The following MAGI2 variants were observed in gnomAD, a reference collection of about 807,000 sequenced individuals.
The protein encoded by MAGI2 is membrane associated guanylate kinase, WW and PDZ domain containing 2, also known as membrane-associated guanylate kinase, WW and PDZ domain-containing protein 2.
Under a neutral mutation model 133.3 loss-of-function variants are expected in MAGI2, and 35 were observed. The ratio of observed to expected loss-of-function variants is 0.26; its 90% CI spans 0.20 to 0.35. MAGI2 has a LOEUF of 0.35. MAGI2 is among the 10% of genes least tolerant of loss of function. The pLI is 1.00. For missense variants in MAGI2, 1,636 were observed against 1,863.4 expected (o/e 0.88, Z 2.25); for synonymous variants, 729 against 710.6 (o/e 1.03, Z -0.41).
chr7:79,245,633 C>A (rs1303335872), intron 1 of MAGI2, among the ~76,000 whole-genome samples: 1 of 152,168 alleles, frequency 6.6e-6, no homozygotes, highest in Non-Finnish European at 1.5e-5. Flanking sequence ...AACCAAGTAG[C>A]TTCCTAAGGT....
intron 1 of MAGI2, among the ~76,000 whole-genome samples, chr7:79,022,339 A>T (rs1412739631): frequency 6.6e-6 from 1 of 152,202 alleles, no homozygotes; most frequent in African/African-American, 2.4e-5. Context: ...TGAGAAAAAA[A>T]TACCACATAC....
At chr7:79,054,070 C>A (rs1050164060) in intron 1 of MAGI2, among the ~76,000 whole-genome samples, 1 of 152,100 alleles carries the variant, frequency 6.6e-6, no homozygotes, top group African/African-American at 2.4e-5. Flanking sequence ...GTGGCTGGCG[C>A]CTGTAGTCCC....
At position 78,895,515 on chromosome 7, in the gene MAGI2, A is replaced by G. The variant is rs192588180; in HGVS notation, c.418+111575T>C. ...GAGTTGCTTTACAAAATGTTTATGTAGAGCTTTAAAAAAAAAAGTGGCTTT... is the reference window on the plus strand; with the variant it reads ...GAGTTGCTTTACAAAATGTTTATGTGGAGCTTTAAAAAAAAAAGTGGCTTT... On this transcript the variant is annotated intron_variant, in intron 2 of 21. Coordinates refer to ENST00000354212, the MANE Select transcript of MAGI2 (RefSeq NM_012301.4). Among the ~76,000 whole-genome samples the G allele has an allele frequency of 8.7e-4, 101 of 115,508 alleles. 1 individual carries two copies. Among genetic ancestry groups the G allele is most frequent in the African/African-American group, 2.4e-3 (92 of 37,966 alleles). The allele number at this position is 115,508 out of a possible 152,430, so 75.8% of individuals were successfully genotyped here.
At chr7:78,472,189 T>C (rs554212710) in intron 6 of MAGI2, among the ~76,000 whole-genome samples, 2 of 152,224 alleles carry the variant, frequency 1.3e-5, no homozygotes, top group East Asian at 3.9e-4. Flanking sequence ...TTTGCTGCTA[T>C]TATGAATTTG....
At chr7:78,166,238 AG>A (rs1490286341) in intron 15 of MAGI2, among the ~76,000 whole-genome samples, 2 of 152,222 alleles carry the variant, frequency 1.3e-5, no homozygotes, top group Non-Finnish European at 2.9e-5. Flanking sequence ...GCTGGTGACA[AG>A]GGGAGCATGA....
At chr7:78,834,051 T>G (rs1415148783) in intron 2 of MAGI2, among the ~76,000 whole-genome samples, 4 of 152,134 alleles carry the variant, frequency 2.6e-5, no homozygotes, top group Non-Finnish European at 5.9e-5. Context: ...CAAGCTAGAG[T>G]GCAGTGGTGT....
At chr7:79,414,723 G>A (rs1846381524) in intron 1 of MAGI2, 1 of 152,058 alleles carries the variant, frequency 6.6e-6, no homozygotes, top group Non-Finnish European at 1.5e-5. Context: ...ATATATAAAT[G>A]TATCTGTTGA....
intron 6 of MAGI2, among the ~76,000 whole-genome samples, chr7:78,440,918 A>G (rs912563269): frequency 6.6e-6 from 1 of 152,064 alleles, no homozygotes; most frequent in Non-Finnish European, 1.5e-5. Context: ...GCACCACTGC[A>G]CTCCCACCTG....
chr7:78,485,718 C>T (rs999221829), intron 6 of MAGI2: 4 of 151,874 alleles, frequency 2.6e-5, no homozygotes, highest in Admixed American at 2.6e-4. Flanking sequence ...CACTACATAC[C>T]TCCATACATT....
At chr7:78,581,226 C>T (rs1329130941) in intron 3 of MAGI2, among the ~76,000 whole-genome samples, 1 of 152,150 alleles carries the variant, frequency 6.6e-6, no homozygotes, top group Non-Finnish European at 1.5e-5. Flanking sequence ...TGTATAAGCA[C>T]CTTGACTACA....
intron 9 of MAGI2, among the ~76,000 whole-genome samples, chr7:78,323,958 A>T (rs1468315687): frequency 6.6e-6 from 1 of 152,130 alleles, no homozygotes; most frequent in African/African-American, 2.4e-5. Flanking sequence ...CTGGTATGAA[A>T]TTTCTATACG....
chr7:79,177,467 C>A (rs181485609), intron 1 of MAGI2, among the ~76,000 whole-genome samples: 47 of 152,146 alleles, frequency 3.1e-4, no homozygotes, highest in African/African-American at 1.1e-3. Flanking sequence ...TCTATTTTCA[C>A]ATGATAGTTT....
At chr7:79,136,256 G>A (rs1352954162) in intron 1 of MAGI2, among the ~76,000 whole-genome samples, 1 of 152,154 alleles carries the variant, frequency 6.6e-6, no homozygotes, top group Admixed American at 6.5e-5. Flanking sequence ...CTATGTACAA[G>A]GTAAAAGGTT....
intron 3 of MAGI2, chr7:78,615,310 T>C (rs1806960723): frequency 6.6e-6 from 1 of 152,240 alleles, no homozygotes; most frequent in South Asian, 2.1e-4. Flanking sequence ...TCCTTGAAGT[T>C]AGAAATGCTA....
At chr7:78,768,492 A>C (rs1219081441) in intron 2 of MAGI2, among the ~76,000 whole-genome samples, 1 of 152,232 alleles carries the variant, frequency 6.6e-6, no homozygotes, top group Non-Finnish European at 1.5e-5. Flanking sequence ...TATCAAAATT[A>C]TTCTAAACAG....
chr7:78,443,756 G>T (rs1402164916), intron 6 of MAGI2, among the ~76,000 whole-genome samples: 2 of 152,050 alleles, frequency 1.3e-5, no homozygotes, highest in East Asian at 3.9e-4. Context: ...CTGTACATCA[G>T]ACTATGCAGT....
intron 10 of MAGI2, among the ~76,000 whole-genome samples, chr7:78,229,933 G>C (rs1789790146): frequency 6.6e-6 from 1 of 152,162 alleles, no homozygotes; most frequent in Non-Finnish European, 1.5e-5. Flanking sequence ...AGTAAACAGG[G>C]ATTAGTGACC....
chr7:79,062,000 C>T (rs1813795729), intron 1 of MAGI2, among the ~76,000 whole-genome samples: 1 of 152,118 alleles, frequency 6.6e-6, no homozygotes, highest in Non-Finnish European at 1.5e-5. Context: ...ATGAAATCCA[C>T]AATACATTTC....
intron 10 of MAGI2, among the ~76,000 whole-genome samples, chr7:78,230,803 G>T (rs1789889756): frequency 6.6e-6 from 1 of 152,174 alleles, no homozygotes; most frequent in Non-Finnish European, 1.5e-5. Flanking sequence ...CCATGTGACT[G>T]GCTGTCTCAG....
Sources: gnomAD v4.1 joint callset for allele counts (sites outside exome capture counted in the v4.1 genomes callset) on GRCh38, gnomAD v4.1.1 for gene constraint, MANE v1.5 for transcripts, NCBI Gene and HGNC (gene_info 2026-07-23, HGNC 2026-07-21) for gene names.